Variants in TENM4 observed in about 807,000 individuals in gnomAD.
TENM4 encodes the protein teneurin transmembrane protein 4, also known as teneurin-4.
In TENM4, 82 loss-of-function variants were observed where a neutral mutation model predicts 243.3. The observed-to-expected ratio is 0.34, with a 90% CI of 0.28 to 0.40. The LOEUF is 0.40. TENM4 is among the 10% of genes least tolerant of loss of function. The pLI, the probability that TENM4 is intolerant of heterozygous loss-of-function variation, is 1.00. For missense variants in TENM4, 3,138 were observed against 3,673.3 expected, an observed-to-expected ratio of 0.85 and a Z score of 3.77; for synonymous variants, 1,412 against 1,456.3, an observed-to-expected ratio of 0.97 and a Z score of 0.69.
intron 4 of TENM4, among the ~76,000 whole-genome samples, chr11:79,132,127 G>C (rs149876930): frequency 0.011 from 1,600 of 151,914 alleles, 37 homozygotes; most frequent in East Asian, 0.072. Context: ...CGGATCACGA[G>C]GTCAGGAGAT....
chr11:78,663,649 C>G (rs751854564), intron 32 of TENM4, among the ~76,000 whole-genome samples: 1 of 152,154 alleles, frequency 6.6e-6, no homozygotes. Flanking sequence ...ATAGAGCCTG[C>G]AGAACTGTGA....
At chr11:79,371,889 T>G (rs927722734) in intron 1 of TENM4, among the ~76,000 whole-genome samples, 1 of 152,150 alleles carries the variant, frequency 6.6e-6, no homozygotes, top group African/African-American at 2.4e-5. Flanking sequence ...TCCTGATGAT[T>G]GGGGCAAATG....
intron 6 of TENM4, among the ~76,000 whole-genome samples, chr11:78,914,659 T>C (rs1856272766): frequency 1.3e-5 from 2 of 152,338 alleles, no homozygotes; most frequent in South Asian, 4.1e-4. Context: ...CTAATGCTCC[T>C]GATCTCAACA....
chr11:78,976,530 G>A (rs1167233362), intron 6 of TENM4, among the ~76,000 whole-genome samples: 10 of 152,206 alleles, frequency 6.6e-5, no homozygotes, highest in Admixed American at 5.9e-4. Flanking sequence ...CCATGAACTT[G>A]ATCACTGCGC....
At chr11:78,781,378 G>A (rs1856834134) in intron 16 of TENM4, among the ~76,000 whole-genome samples, 1 of 152,162 alleles carries the variant, frequency 6.6e-6, no homozygotes, top group African/African-American at 2.4e-5. Context: ...TTGTACAAAT[G>A]TTTCTCATAC....
chr11:78,834,470 A>G (rs1265082902), intron 12 of TENM4, among the ~76,000 whole-genome samples: 3 of 152,196 alleles, frequency 2.0e-5, no homozygotes, highest in Non-Finnish European at 4.4e-5. Context: ...CTCTGTGTCA[A>G]CTGCTGACTG....
At chr11:78,988,598 G>A (rs1219921178) in intron 6 of TENM4, among the ~76,000 whole-genome samples, 4 of 152,190 alleles carry the variant, frequency 2.6e-5, no homozygotes, top group Non-Finnish European at 5.9e-5. Context: ...CCCCACCTCA[G>A]AGCTCAGATG....
chr11:79,228,177 G>C (rs767922296), intron 2 of TENM4, among the ~76,000 whole-genome samples: 2 of 152,174 alleles, frequency 1.3e-5, no homozygotes, highest in Non-Finnish European at 2.9e-5. Flanking sequence ...AAGGGACAAA[G>C]ACTTGCAAGC....
chr11:79,221,346 G>C (rs1025464360), intron 2 of TENM4, among the ~76,000 whole-genome samples: 1 of 60,066 alleles, frequency 1.7e-5, no homozygotes, highest in East Asian at 5.3e-4. Context: ...TTAGAATATG[G>C]ATTTTTTTTA....
chr11:79,240,890 A>G (rs2135280675), intron 2 of TENM4, among the ~76,000 whole-genome samples: 1 of 152,224 alleles, frequency 6.6e-6, no homozygotes, highest in Non-Finnish European at 1.5e-5. Flanking sequence ...AGATTTTCAG[A>G]TGTATTAGAG....
At position 79,352,817 on chromosome 11, in the gene TENM4, G is replaced by A. The variant is rs546689712; in HGVS notation, c.-320-55274C>T. Among the ~76,000 whole-genome samples, 18 of 152,234 alleles carry A rather than the reference G, an allele frequency of 1.2e-4. No individual in the cohort carries two copies. In the East Asian group the frequency reaches 2.7e-3, roughly 23 times the overall value. On this transcript the variant is annotated intron_variant, in intron 1 of 33. Transcript: ENST00000278550. ...ACAGATGGGAGACACAAAAAGAGAC[G>A]CAACAAATTATGGTTTTTGAGGGCT...
chr11:78,998,445 A>G (rs1858230861), intron 6 of TENM4, among the ~76,000 whole-genome samples: 2 of 152,264 alleles, frequency 1.3e-5, no homozygotes, highest in African/African-American at 2.4e-5. Context: ...GAGGTTGACA[A>G]ATCATCTCTT....
intron 9 of TENM4, among the ~76,000 whole-genome samples, chr11:78,883,326 A>G (rs1855476103): frequency 6.6e-6 from 1 of 152,160 alleles, no homozygotes; most frequent in African/African-American, 2.4e-5. Flanking sequence ...TATTCCTCCC[A>G]CTTTGCAGAT....
intron 23 of TENM4, among the ~76,000 whole-genome samples, chr11:78,724,594 G>A (rs1855472997): frequency 6.6e-6 from 1 of 152,152 alleles, no homozygotes; most frequent in Non-Finnish European, 1.5e-5. Flanking sequence ...CATGTTCCAA[G>A]TTCTTATATA....
chr11:79,189,061 G>A (rs984998372), intron 3 of TENM4, among the ~76,000 whole-genome samples: 7 of 152,158 alleles, frequency 4.6e-5, no homozygotes, highest in African/African-American at 1.2e-4. Flanking sequence ...TTTAGGGAAC[G>A]TAAAAACATG....
intron 6 of TENM4, among the ~76,000 whole-genome samples, chr11:78,939,468 T>C (rs1234989442): frequency 6.6e-6 from 1 of 152,258 alleles, no homozygotes; most frequent in African/African-American, 2.4e-5. Flanking sequence ...CATTCCTTGA[T>C]ATCTTTGTGC....
intron 1 of TENM4, among the ~76,000 whole-genome samples, chr11:79,427,041 G>A (rs1280110581): frequency 6.6e-6 from 1 of 152,174 alleles, no homozygotes; most frequent in African/African-American, 2.4e-5. Flanking sequence ...TGAAGTGGCA[G>A]AGGGGGCTGT....
chr11:78,702,988 C>A (rs1371362521), intron 27 of TENM4, among the ~76,000 whole-genome samples: 1 of 152,196 alleles, frequency 6.6e-6, no homozygotes, highest in African/African-American at 2.4e-5. Context: ...TGGCTAGCTG[C>A]TAGAGACATA....
rs377309749 is a variant in TENM4 at position 79,409,101 on chromosome 11, T to TGC, written c.-321+31406_-321+31407dup. ...GTGTGTGTGTGTGTGTGTGTGTGTG[T>TGC]GCGCGCGCGCGCGTGCGTGCACGCG... is the stretch of plus-strand genomic sequence containing the variant. On this transcript the variant is annotated intron_variant, in intron 1 of 33. Transcript: ENST00000278550. 7.1e-3 allele frequency among the ~76,000 whole-genome samples: 734 copies of TGC among 103,630 alleles called. 4 individuals are homozygous for TGC. The highest frequency in any genetic ancestry group is 0.019 in the Middle Eastern group (4 of 208). 68.0% of individuals were successfully genotyped at this position (103,630 alleles called of 152,430 possible). A position where few individuals can be genotyped will look rare whatever the true frequency, so the allele number is the denominator to read the frequency against.
Sources: gnomAD v4.1 joint callset for allele counts (sites outside exome capture counted in the v4.1 genomes callset) on GRCh38, gnomAD v4.1.1 for gene constraint, MANE v1.5 for transcripts, NCBI Gene and HGNC (gene_info 2026-07-23, HGNC 2026-07-21) for gene names.